The following MAP7 variants were observed in gnomAD, a reference collection of about 807,000 sequenced individuals.
MAP7 encodes the protein microtubule associated protein 7, also known as ensconsin.
Under a neutral mutation model 94.8 loss-of-function variants are expected in MAP7, and 52 were observed. That is an observed-to-expected ratio of 0.55 (90% CI 0.44 to 0.69). The LOEUF is 0.69. MAP7 is among the 30% of genes least tolerant of loss of function. MAP7 has a pLI of 0.00. For synonymous variants in MAP7, 350 were observed against 357.0 expected (o/e 0.98, Z 0.22); for missense variants, 940 against 964.6 (o/e 0.97, Z 0.34).
intron 3 of MAP7, among the ~76,000 whole-genome samples, chr6:136,403,871 T>C (rs1289448841): frequency 1.3e-5 from 2 of 152,326 alleles, no homozygotes; most frequent in African/African-American, 4.8e-5. Flanking sequence ...TTCCTCTCAC[T>C]AAGATGCATT....
intron 2 of MAP7, among the ~76,000 whole-genome samples, chr6:136,412,759 G>A (rs1395123460): frequency 6.6e-6 from 1 of 152,146 alleles, no homozygotes; most frequent in Non-Finnish European, 1.5e-5. Context: ...CTGCAGCAGA[G>A]GGCTAGGTTT....
At chr6:136,384,750 G>A (rs1778739540) in intron 5 of MAP7, among the ~76,000 whole-genome samples, 2 of 152,142 alleles carry the variant, frequency 1.3e-5, no homozygotes, top group African/African-American at 4.8e-5. Context: ...TTCCCAAAGT[G>A]TTGGGATTAC....
intron 1 of MAP7, among the ~76,000 whole-genome samples, chr6:136,425,530 A>G (rs1792889336): frequency 1.3e-5 from 2 of 152,202 alleles, no homozygotes; most frequent in Non-Finnish European, 2.9e-5. Flanking sequence ...AAGAGTTACC[A>G]TATCAGGCCT....
intron 2 of MAP7, among the ~76,000 whole-genome samples, chr6:136,416,206 A>G (rs1318657929): frequency 6.6e-6 from 1 of 152,228 alleles, no homozygotes. Flanking sequence ...GAATGAACAA[A>G]CAACGAACAA....
intron 1 of MAP7, among the ~76,000 whole-genome samples, chr6:136,458,143 A>G (rs1803970093): frequency 6.6e-6 from 1 of 152,198 alleles, no homozygotes; most frequent in East Asian, 1.9e-4. Context: ...CTATCAACAA[A>G]CTATCCAAAA....
chr6:136,376,089 T>C (rs891018933), intron 7 of MAP7, among the ~76,000 whole-genome samples: 1 of 151,342 alleles, frequency 6.6e-6, no homozygotes, highest in African/African-American at 2.4e-5. Context: ...TGCTAGAAAA[T>C]AGGACTGAAA....
chr6:136,526,659 A>T (rs1562489115), intron 1 of MAP7: 2 of 985,558 alleles, frequency 2.0e-6, no homozygotes, highest in East Asian at 1.1e-4. Context: ...GCGCAGCAGG[A>T]TGGGAGGAGA....
At chr6:136,372,841 A>G (rs1582709368) in intron 7 of MAP7, among the ~76,000 whole-genome samples, 1 of 152,222 alleles carries the variant, frequency 6.6e-6, no homozygotes, top group East Asian at 1.9e-4. Flanking sequence ...GATGAGTCCA[A>G]AAGGAAGGCA....
At chr6:136,481,247 G>A (rs1330505282) in intron 1 of MAP7, among the ~76,000 whole-genome samples, 1 of 152,186 alleles carries the variant, frequency 6.6e-6, no homozygotes, top group African/African-American at 2.4e-5. Flanking sequence ...ACTACCATAT[G>A]ATCCTAGAAT....
Position 136,550,052 on chromosome 6 carries a change from T to C in MAP7, c.67+290A>G, listed in dbSNP as rs1830018793. On this transcript the variant is annotated intron_variant, in intron 1 of 17. Coordinates refer to ENST00000354570, the MANE Select transcript of MAP7 (RefSeq NM_003980.6). This position sits in a 1 kb window ranked among gnomAD's most constrained non-coding sequence, Gnocchi z 5.1. Reference sequence around the variant, plus strand: ...GAGGGCAGCGGCCGGGGTCTCTCCGTTTCCTCCCCCGGCTCGCCTCCACCT... The same window carrying C: ...GAGGGCAGCGGCCGGGGTCTCTCCGCTTCCTCCCCCGGCTCGCCTCCACCT... 6.6e-6 allele frequency among the ~76,000 whole-genome samples: 1 copy of C among 151,756 alleles called. No individual in the cohort carries two copies. Among genetic ancestry groups the C allele is most frequent in the African/African-American group, 2.4e-5 (1 of 41,338 alleles).
chr6:136,452,071 G>A (rs374334314), intron 1 of MAP7, among the ~76,000 whole-genome samples: 1 of 152,186 alleles, frequency 6.6e-6, no homozygotes, highest in Non-Finnish European at 1.5e-5. Context: ...GCACATGCCT[G>A]TAATCCCAGC....
intron 16 of MAP7, among the ~76,000 whole-genome samples, chr6:136,348,456 T>G (rs1368300304): frequency 6.6e-6 from 1 of 152,152 alleles, no homozygotes; most frequent in Non-Finnish European, 1.5e-5. Flanking sequence ...GTACTGGGGT[T>G]AAGGAGTATG....
chr6:136,381,877 T>TACACACAC lies in MAP7; in HGVS notation c.637+1786_637+1793dup, dbSNP rs1156527948. ...CTCTACTCCTTACCACTTCTAACCT[T>TACACACAC]ACACACACACACACACACACACACA... On this transcript the variant is annotated intron_variant, in intron 6 of 17. Transcript: ENST00000354570. Among the ~76,000 whole-genome samples, 415 of 93,008 alleles carry TACACACAC rather than the reference T, an allele frequency of 4.5e-3. 9 individuals are homozygous for TACACACAC. The highest frequency in any genetic ancestry group is 0.017 in the African/African-American group (358 of 21,054). 61.0% of individuals were successfully genotyped at this position (93,008 alleles called of 152,430 possible).
chr6:136,467,156 C>G (rs1432238134), intron 1 of MAP7, among the ~76,000 whole-genome samples: 2 of 152,184 alleles, frequency 1.3e-5, no homozygotes, highest in East Asian at 3.8e-4. Flanking sequence ...AGGCCCCAAA[C>G]AGAATGCACA....
intron 7 of MAP7, among the ~76,000 whole-genome samples, chr6:136,374,915 A>G (rs1775639116): frequency 6.6e-6 from 1 of 152,220 alleles, no homozygotes; most frequent in South Asian, 2.1e-4. Context: ...TTCTTAAGAA[A>G]TAATAACAAT....
intron 1 of MAP7, among the ~76,000 whole-genome samples, chr6:136,529,534 T>C (rs558454417): frequency 1.3e-5 from 2 of 152,348 alleles, no homozygotes; most frequent in South Asian, 4.1e-4. Context: ...GAAATGGGCA[T>C]GCAGCCCTCC....
chr6:136,357,335 C>T (rs1378156683), intron 15 of MAP7, among the ~76,000 whole-genome samples: 3 of 152,166 alleles, frequency 2.0e-5, no homozygotes, highest in African/African-American at 7.2e-5. Flanking sequence ...AATGTTGCAG[C>T]CCACTTTAAG....
intron 1 of MAP7, among the ~76,000 whole-genome samples, chr6:136,505,273 G>GTATATA (rs1411923062): frequency 0.01 from 727 of 69,346 alleles, 8 homozygotes; most frequent in Non-Finnish European, 0.014. Context: ...GTGTGTGTGT[G>GTATATA]TGTGTATATA....
chr6:136,345,773 A>G (rs1787508040), intron 17 of MAP7, 83 bp downstream of exon 17: 3 of 1,079,468 alleles, frequency 2.8e-6, no homozygotes, highest in Non-Finnish European at 4.3e-6. Flanking sequence ...TACCACAATC[A>G]TACTGTAGAA....
Sources: allele counts gnomAD v4.1 joint callset (sites outside exome capture counted in the v4.1 genomes callset), GRCh38; gene constraint gnomAD v4.1.1; non-coding constraint Gnocchi (gnomAD v3.1); transcripts MANE v1.5; gene names NCBI Gene and HGNC (gene_info 2026-07-23, HGNC 2026-07-21).